RABGAP1: variants seen among roughly 807,000 people sequenced by gnomAD.
The protein encoded by RABGAP1 is RAB GTPase activating protein 1, also known as rab GTPase-activating protein 1.
RABGAP1 carries 23 observed loss-of-function variants against 137.6 expected under a neutral mutation model. The ratio of observed to expected loss-of-function variants is 0.17; its 90% CI spans 0.12 to 0.24. The LOEUF (loss-of-function observed/expected upper bound fraction) is 0.24. Among genes scored for constraint, RABGAP1 ranks in the 10% least tolerant of loss-of-function variants. The pLI is 1.00. For missense variants in RABGAP1, 906 were observed against 1,275.8 expected (o/e 0.71, Z 4.42); for synonymous variants, 451 against 450.7 (o/e 1.00, Z -0.01).
Position 123,101,577 on chromosome 9 carries a change from T to C in RABGAP1, c.2901T>C (p.Asp967=). ...VEIEKIRQKV[D]DCERCREFFN... ...ACATTCAATTTCAGCAAAAAGTGGA[T>C]GACTGTGAGCGGTGCCGGGAATTTT... Residue 967 remains aspartate, a synonymous_variant, in exon 25 of 26, where the codon GAT becomes GAC. Transcript: ENST00000373647. 1 of 1,613,724 alleles carries C rather than the reference T, an allele frequency of 6.2e-7. No individual in the cohort carries two copies. Among genetic ancestry groups the C allele is most frequent in the Non-Finnish European group, 8.5e-7 (1 of 1,179,826 alleles).
At chr9:123,091,844 C>CA (rs2035040844) in intron 21 of RABGAP1, among the ~76,000 whole-genome samples, 1 of 152,036 alleles carries the variant, frequency 6.6e-6, no homozygotes, top group Non-Finnish European at 1.5e-5. Context: ...TTCCTCCTTA[C>CA]GGTGCAAATT....
At chr9:123,035,187 C>A in intron 13 of RABGAP1, 2 of 1,614,160 alleles carry the variant, frequency 1.2e-6, no homozygotes, top group East Asian at 4.5e-5. Flanking sequence ...CCCTTATTGT[C>A]TGCTTCACCT....
At chr9:122,956,289 G>T (rs1834510676) in intron 1 of RABGAP1, among the ~76,000 whole-genome samples, 3 of 152,110 alleles carry the variant, frequency 2.0e-5, no homozygotes, top group African/African-American at 7.2e-5. Flanking sequence ...AATTTGGCCT[G>T]TTAAAACCAT....
chr9:122,950,381 T>TTC (rs1554782684), intron 1 of RABGAP1, among the ~76,000 whole-genome samples: 3 of 138,084 alleles, frequency 2.2e-5, no homozygotes, highest in African/African-American at 5.6e-5. Flanking sequence ...TTCTTTCTTT[T>TTC]TTTTTTTTTT....
At chr9:123,022,922 T>C (rs1004128174) in intron 13 of RABGAP1, among the ~76,000 whole-genome samples, 1 of 152,164 alleles carries the variant, frequency 6.6e-6, no homozygotes, top group African/African-American at 2.4e-5. Flanking sequence ...GAAATGTTTT[T>C]GGGGGGAGTA....
chr9:122,989,969 C>A, intron 5 of RABGAP1, 87 bp from the exon 6 acceptor site: 2 of 1,326,576 alleles, frequency 1.5e-6, no homozygotes, highest in East Asian at 2.4e-5. Context: ...ATAATTATTG[C>A]CCTCCAAAGT....
At chr9:123,033,087 G>A (rs2032394975) in intron 13 of RABGAP1, among the ~76,000 whole-genome samples, 1 of 152,084 alleles carries the variant, frequency 6.6e-6, no homozygotes, top group Non-Finnish European at 1.5e-5. Context: ...TTTTTCTCTT[G>A]AAAAAGTGAT....
At chr9:123,068,364 AAAG>A (rs2034248137) in intron 14 of RABGAP1, among the ~76,000 whole-genome samples, 1 of 151,856 alleles carries the variant, frequency 6.6e-6, no homozygotes, top group African/African-American at 2.4e-5. Flanking sequence ...AAAAAAAAAA[AAAG>A]AAAAAATCCA....
intron 19 of RABGAP1, among the ~76,000 whole-genome samples, chr9:123,077,609 ACATTG>A (rs2034555890): frequency 7.6e-6 from 1 of 130,998 alleles, no homozygotes; most frequent in Non-Finnish European, 1.8e-5. Context: ...TGTTATCATA[ACATTG>A]TATTGTATTG....
intron 13 of RABGAP1, among the ~76,000 whole-genome samples, chr9:123,058,052 G>GGGAGAGGT (rs1356955128): frequency 5.3e-5 from 8 of 151,228 alleles, no homozygotes; most frequent in African/African-American, 1.7e-4. Flanking sequence ...GGAAAGAGAG[G>GGGAGAGGT]GGAGAGGGGG....
At chr9:122,998,342 C>T (rs908272812) in intron 9 of RABGAP1, among the ~76,000 whole-genome samples, 1 of 152,042 alleles carries the variant, frequency 6.6e-6, no homozygotes, top group Non-Finnish European at 1.5e-5. Context: ...GATCTGCCTG[C>T]CTTGGTCTCC....
At chr9:123,078,236 T>C (rs932692016) in intron 19 of RABGAP1, among the ~76,000 whole-genome samples, 1 of 151,526 alleles carries the variant, frequency 6.6e-6, no homozygotes, top group East Asian at 1.9e-4. Flanking sequence ...ATAAAATGAA[T>C]AGTGGATTAG....
chr9:123,083,081 T>C (rs570005945), intron 19 of RABGAP1, among the ~76,000 whole-genome samples: 38 of 152,336 alleles, frequency 2.5e-4, no homozygotes, highest in African/African-American at 9.1e-4. Context: ...ATGTGCATAC[T>C]GAGACATAGA....
At chr9:123,043,710 C>A (rs2033065076) in intron 13 of RABGAP1, among the ~76,000 whole-genome samples, 1 of 151,568 alleles carries the variant, frequency 6.6e-6, no homozygotes, top group Admixed American at 6.6e-5. Context: ...AAACTGATGT[C>A]TAAAGTGGAA....
chr9:122,932,813 T>C, the RABGAP1 span, among the ~76,000 whole-genome samples: 2 of 152,224 alleles, frequency 1.3e-5, no homozygotes, highest in Non-Finnish European at 2.9e-5. Context: ...ATTACAGGTG[T>C]GAGCCACCGT....
At chr9:123,044,209 A>G (rs2033096361) in intron 13 of RABGAP1, among the ~76,000 whole-genome samples, 1 of 152,112 alleles carries the variant, frequency 6.6e-6, no homozygotes, top group Non-Finnish European at 1.5e-5. Flanking sequence ...AGCCAGGTGT[A>G]TTATTTTCTA....
chr9:122,996,852 G>A (rs572638497), intron 8 of RABGAP1: 6 of 474,976 alleles, frequency 1.3e-5, no homozygotes, highest in African/African-American at 1.2e-4. Flanking sequence ...TTTGAGTACA[G>A]TTGATGTGAT....
In RABGAP1 at chr9:122,970,158, C is replaced by T. The variant is rs199555946; in HGVS notation, c.150+12949C>T. Reference sequence around the variant, plus strand: ...TGAACTCTTGGCCTCAAGTGGTCCACCTGCCTCAGCCTCCCATTGTGCTAG... The same window carrying T: ...TGAACTCTTGGCCTCAAGTGGTCCATCTGCCTCAGCCTCCCATTGTGCTAG... On this transcript the variant is annotated intron_variant, in intron 2 of 25. Transcript: ENST00000373647. Among the ~76,000 whole-genome samples the T allele has an allele frequency of 3.9e-5, 6 of 151,952 alleles. No individual in the cohort carries two copies. The East Asian group carries it at 9.6e-4, about 24-fold the overall frequency.
intron 18 of RABGAP1, 57 bp from the exon 19 acceptor site, chr9:123,076,577 T>G (rs1352450164): frequency 6.5e-7 from 1 of 1,531,916 alleles, no homozygotes; most frequent in Non-Finnish European, 8.8e-7. Context: ...ATAAAAAACT[T>G]CTTGTGCATC....
Sources: gnomAD v4.1 joint callset for allele counts (sites outside exome capture counted in the v4.1 genomes callset) on GRCh38, gnomAD v4.1.1 for gene constraint, MANE v1.5 for transcripts, NCBI Gene and HGNC (gene_info 2026-07-23, HGNC 2026-07-21) for gene names.